Variants in SLC39A11 observed in about 807,000 individuals in gnomAD.
SLC39A11 encodes the protein zinc transporter ZIP11.
A neutral mutation model predicts 36.1 loss-of-function variants in SLC39A11; 33 were observed. The observed-to-expected ratio is 0.91, with a 90% CI of 0.69 to 1.22. The LOEUF (loss-of-function observed/expected upper bound fraction) is 1.22. SLC39A11 is among the 50% of genes most tolerant of loss of function. The pLI is 0.00. For synonymous variants in SLC39A11, 166 were observed against 170.3 expected, an observed-to-expected ratio of 0.97 and a Z score of 0.20; for missense variants, 432 against 430.3, an observed-to-expected ratio of 1.00 and a Z score of -0.03.
intron 4 of SLC39A11, among the ~76,000 whole-genome samples, chr17:72,954,452 A>T (rs1190941307): frequency 1.3e-5 from 2 of 152,200 alleles, no homozygotes; most frequent in Admixed American, 6.5e-5. Flanking sequence ...TCTCAAGAGG[A>T]GCCACCCAAG....
intron 5 of SLC39A11, among the ~76,000 whole-genome samples, chr17:72,851,888 G>A (rs920200018): frequency 1.2e-4 from 18 of 152,142 alleles, no homozygotes; most frequent in African/African-American, 4.1e-4. Flanking sequence ...AAAAACATTA[G>A]AAGAAAAAAA....
intron 6 of SLC39A11, among the ~76,000 whole-genome samples, chr17:72,800,877 T>C (rs1183879814): frequency 6.6e-6 from 1 of 152,120 alleles, no homozygotes; most frequent in Non-Finnish European, 1.5e-5. Flanking sequence ...ATGAAAAAGG[T>C]AGAAAAGTGA....
chr17:73,067,622 T>C (rs1461450599), intron 3 of SLC39A11, among the ~76,000 whole-genome samples: 3 of 152,112 alleles, frequency 2.0e-5, no homozygotes, highest in African/African-American at 4.8e-5. Context: ...GCAGCAATAA[T>C]AGTAACAAGC....
At chr17:72,872,967 T>C (rs1018204588) in intron 5 of SLC39A11, among the ~76,000 whole-genome samples, 3 of 146,104 alleles carry the variant, frequency 2.1e-5, no homozygotes, top group African/African-American at 7.7e-5. Context: ...GTCAGGAGAA[T>C]GGCGTGAACC....
At chr17:73,008,680 C>T (rs951366890) in intron 4 of SLC39A11, among the ~76,000 whole-genome samples, 1 of 152,182 alleles carries the variant, frequency 6.6e-6, no homozygotes, top group Admixed American at 6.5e-5. Context: ...GCAGAACCAG[C>T]CCAAATGTCC....
At chr17:72,649,147 C>G (rs2143832290) in intron 8 of SLC39A11, 23 bp downstream of exon 8, 8 of 1,605,480 alleles carry the variant, frequency 5.0e-6, no homozygotes, top group Non-Finnish European at 6.8e-6. Flanking sequence ...TGTGACATGG[C>G]CTTGCCCTTG....
rs1568111314 is a variant in SLC39A11 at position 73,006,713 on chromosome 17, C to CACCCCT, written c.306+24842_306+24843insAGGGGT. ...GCACCCCTACAAAAATTATCAGGAACACAAAGACCCTTGATATAAAATGAT... is the reference window on the plus strand; with the variant it reads ...GCACCCCTACAAAAATTATCAGGAACACCCCTACAAAGACCCTTGATATAAAATGAT... On this transcript the variant is annotated intron_variant, in intron 4 of 9. Transcript: ENST00000255559. 2.0e-5 allele frequency among the ~76,000 whole-genome samples: 3 copies of CACCCCT among 152,024 alleles called. No homozygotes were observed. The East Asian group carries it at 5.8e-4, about 29-fold the overall frequency.
Position 73,026,517 on chromosome 17 carries a change from C to CAA in SLC39A11, c.306+5037_306+5038dup, listed in dbSNP as rs548390962. Among the ~76,000 whole-genome samples, 675 of 75,548 alleles carry CAA rather than the reference C, an allele frequency of 8.9e-3. 7 individuals are homozygous for CAA. Among genetic ancestry groups the CAA allele is most frequent in the African/African-American group, 0.023 (575 of 24,740 alleles). The allele number at this position is 75,548 out of a possible 152,430, so 49.6% of individuals were successfully genotyped here. A position where few individuals can be genotyped will look rare whatever the true frequency, so the allele number is the denominator to read the frequency against. On this transcript the variant is annotated intron_variant, in intron 4 of 9. Coordinates refer to ENST00000255559, the MANE Select transcript of SLC39A11 (RefSeq NM_139177.4). ...CTGGGCAACAAGAGCGAAACTACAT[C>CAA]AAAAAAAAAAAAAAAAAGAAAGAAA...
At chr17:72,911,373 A>C (rs2082984998) in intron 5 of SLC39A11, among the ~76,000 whole-genome samples, 1 of 152,036 alleles carries the variant, frequency 6.6e-6, no homozygotes, top group South Asian at 2.1e-4. Context: ...ATATATAACA[A>C]ACCTGCACGT....
chr17:72,709,866 T>C (rs1430329355), intron 7 of SLC39A11, among the ~76,000 whole-genome samples: 1 of 152,250 alleles, frequency 6.6e-6, no homozygotes, highest in African/African-American at 2.4e-5. Context: ...TCCCAGGATA[T>C]GTCACATTGC....
At chr17:72,760,151 C>T (rs60359204) in intron 6 of SLC39A11, among the ~76,000 whole-genome samples, 18,735 of 152,154 alleles carry the variant, frequency 0.12, 1,262 homozygotes, top group African/African-American at 0.18. Context: ...CTCAGCCTCC[C>T]GAGTAGCTGG....
At chr17:73,008,983 C>G (rs373224821) in intron 4 of SLC39A11, among the ~76,000 whole-genome samples, 2 of 146,530 alleles carry the variant, frequency 1.4e-5, no homozygotes, top group South Asian at 2.2e-4. Context: ...ATCAGTTGAG[C>G]CTGGGGCCCT....
chr17:73,032,008 C>A (rs11077657), intron 3 of SLC39A11, among the ~76,000 whole-genome samples: 99,061 of 151,772 alleles, frequency 0.65, 33,785 homozygotes, highest in Non-Finnish European at 0.76. Flanking sequence ...AATGGTTTTG[C>A]CCTCCACAGG....
intron 4 of SLC39A11, among the ~76,000 whole-genome samples, chr17:73,024,864 A>ATTTTTTTTTTTTTTTTTTTTTTT (rs1163840820): frequency 7.2e-5 from 7 of 97,900 alleles, no homozygotes; most frequent in Non-Finnish European, 9.6e-5. Context: ...TGCCCAGCTA[A>ATTTTTTTTTTTTTTTTTTTTTTT]TTTTTTTTTT....
chr17:73,090,790 C>T (rs906653021), intron 1 of SLC39A11, among the ~76,000 whole-genome samples: 3 of 152,026 alleles, frequency 2.0e-5, no homozygotes, highest in African/African-American at 7.3e-5. Flanking sequence ...AGGGAAACAC[C>T]CGTCTAAGCC....
At chr17:72,822,231 T>C (rs977806477) in intron 6 of SLC39A11, among the ~76,000 whole-genome samples, 10 of 148,674 alleles carry the variant, frequency 6.7e-5, no homozygotes, top group Non-Finnish European at 1.2e-4. Context: ...ACTATATACA[T>C]ACTATACACA....
chr17:72,832,899 A>C (rs2078349726), intron 6 of SLC39A11, among the ~76,000 whole-genome samples: 1 of 152,214 alleles, frequency 6.6e-6, no homozygotes, highest in Admixed American at 6.5e-5. Flanking sequence ...GGGCTTTGGG[A>C]AAAATGGGGC....
At chr17:72,941,203 G>T (rs2085078494) in intron 5 of SLC39A11, among the ~76,000 whole-genome samples, 2 of 152,208 alleles carry the variant, frequency 1.3e-5, no homozygotes, top group African/African-American at 4.8e-5. Context: ...AGCCCAGGAG[G>T]TTGAGGCTAC....
chr17:72,805,802 G>C (rs1228788457), intron 6 of SLC39A11, among the ~76,000 whole-genome samples: 1 of 150,962 alleles, frequency 6.6e-6, no homozygotes, highest in Non-Finnish European at 1.5e-5. Context: ...AGGCTGGAGT[G>C]TAGTGGGGCG....
Sources: gnomAD v4.1 joint callset for allele counts (sites outside exome capture counted in the v4.1 genomes callset) on GRCh38, gnomAD v4.1.1 for gene constraint, MANE v1.5 for transcripts, NCBI Gene and HGNC (gene_info 2026-07-23, HGNC 2026-07-21) for gene names.